The following FAM117B variants were observed in gnomAD, a reference collection of about 807,000 sequenced individuals.
FAM117B encodes protein FAM117B.
Under a neutral mutation model 52.8 loss-of-function variants are expected in FAM117B, and 22 were observed. The ratio of observed to expected loss-of-function variants is 0.42; its 90% confidence interval spans 0.30 to 0.59. The LOEUF is 0.59. Ranked by LOEUF, FAM117B falls within the 20% of genes least tolerant of loss-of-function variation. FAM117B has a pLI of 0.22. For synonymous variants in FAM117B, 309 were observed against 324.1 expected, an observed-to-expected ratio of 0.95 and a Z score of 0.50; for missense variants, 678 against 802.6, an observed-to-expected ratio of 0.84 and a Z score of 1.88.
At chr2:202,660,248 C>G (rs1457254230) in intron 1 of FAM117B, among the ~76,000 whole-genome samples, 1 of 151,864 alleles carries the variant, frequency 6.6e-6, no homozygotes, top group Non-Finnish European at 1.5e-5. Context: ...CTTGTTTGTA[C>G]ATTTTGAATA....
At chr2:202,759,601 A>C (rs1217102244) in intron 7 of FAM117B, among the ~76,000 whole-genome samples, 2 of 147,804 alleles carry the variant, frequency 1.4e-5, no homozygotes, top group Non-Finnish European at 3.0e-5. Flanking sequence ...TCTGACACCC[A>C]GGCTGGAGTG....
chr2:202,656,258 T>C (rs1241590967), intron 1 of FAM117B, among the ~76,000 whole-genome samples: 1 of 152,180 alleles, frequency 6.6e-6, no homozygotes, highest in African/African-American at 2.4e-5. Context: ...CCTACTTGCT[T>C]TTGGTTTAGT....
chr2:202,660,015 T>C (rs1049637189), intron 1 of FAM117B, among the ~76,000 whole-genome samples: 1 of 152,128 alleles, frequency 6.6e-6, no homozygotes, highest in African/African-American at 2.4e-5. Flanking sequence ...TTCTTTCTTC[T>C]GTCACATTCT....
intron 2 of FAM117B, among the ~76,000 whole-genome samples, chr2:202,724,455 G>A (rs1018037957): frequency 1.3e-5 from 2 of 152,246 alleles, no homozygotes; most frequent in Admixed American, 6.5e-5. Context: ...TGGCTTTGCC[G>A]CTTGTAACAC....
intron 1 of FAM117B, among the ~76,000 whole-genome samples, chr2:202,636,944 G>A (rs994139590): frequency 9.2e-5 from 14 of 152,228 alleles, no homozygotes; most frequent in African/African-American, 3.1e-4. Context: ...CTGTTGCCCA[G>A]GCTGGAGTGC....
chr2:202,635,164 C>G lies in FAM117B; in HGVS notation c.-24C>G, dbSNP rs1689655361. The G allele has an allele frequency of 3.2e-6, 4 of 1,263,564 alleles. No individual in the cohort carries two copies. Among genetic ancestry groups the G allele is most frequent in the South Asian group, 2.8e-5 (1 of 35,954 alleles). 78.3% of individuals were successfully genotyped at this position (1,263,564 alleles called of 1,614,324 possible). Reference sequence around the variant, plus strand: ...CAACAACAAAACCCCCCGTCTCGCCCAGTCACCGGGGAGGGGGGGGACCAT... The same window carrying G: ...CAACAACAAAACCCCCCGTCTCGCCGAGTCACCGGGGAGGGGGGGGACCAT... On this transcript the variant is annotated 5_prime_UTR_variant, in exon 1 of 8. Coordinates refer to ENST00000392238, the MANE Select transcript of FAM117B (RefSeq NM_173511.4).
chr2:202,717,608 C>T (rs569379530), intron 2 of FAM117B, among the ~76,000 whole-genome samples: 1 of 152,290 alleles, frequency 6.6e-6, no homozygotes, highest in South Asian at 2.1e-4. Context: ...GAAGAATTAT[C>T]TGGATTACAA....
chr2:202,667,971 C>T (rs1351673322), intron 1 of FAM117B, among the ~76,000 whole-genome samples: 1 of 151,294 alleles, frequency 6.6e-6, no homozygotes, highest in Non-Finnish European at 1.5e-5. Flanking sequence ...GCCTGTAATT[C>T]TAGCACTTTG....
chr2:202,667,724 A>G (rs1288346428), intron 1 of FAM117B, among the ~76,000 whole-genome samples: 3 of 151,960 alleles, frequency 2.0e-5, no homozygotes, highest in Non-Finnish European at 4.4e-5. Context: ...TAAATTACCT[A>G]TTTCTACTCA....
chr2:202,718,069 C>T (rs575692666), intron 2 of FAM117B, among the ~76,000 whole-genome samples: 25 of 152,232 alleles, frequency 1.6e-4, no homozygotes, highest in Non-Finnish European at 2.9e-4. Context: ...ACCACTACCA[C>T]AGACCCACAG....
rs1186911164 is a variant in FAM117B at position 202,635,598 on chromosome 2, C to T, written c.411C>T (p.Pro137=). 6 of 1,280,406 alleles carry T rather than the reference C, an allele frequency of 4.7e-6. No individual in the cohort carries two copies. The highest frequency in any genetic ancestry group is 5.9e-6 in the Non-Finnish European group (6 of 1,019,248). 79.3% of individuals were successfully genotyped at this position (1,280,406 alleles called of 1,614,324 possible). A position where few individuals can be genotyped will look rare whatever the true frequency, so the allele number is the denominator to read the frequency against. ...RSAAPGARGS[P]PRPPPPPPLL... ...CCGCGCCTGGAGCTCGCGGGAGCCCCCCACGGCCGCCGCCGCCGCCGCCGC... is the reference window on the plus strand; with the variant it reads ...CCGCGCCTGGAGCTCGCGGGAGCCCTCCACGGCCGCCGCCGCCGCCGCCGC... The change falls in exon 1 of 8, where the codon CCC becomes CCT. Residue 137 remains proline (P), a synonymous_variant. Transcript: ENST00000392238.
At chr2:202,642,416 C>A (rs1231635234) in intron 1 of FAM117B, among the ~76,000 whole-genome samples, 1 of 150,092 alleles carries the variant, frequency 6.7e-6, no homozygotes, top group Non-Finnish European at 1.5e-5. Context: ...AGGCATTGAT[C>A]ACCTGAATTT....
At chr2:202,659,695 A>ACCT (rs1010221875) in intron 1 of FAM117B, among the ~76,000 whole-genome samples, 2 of 136,814 alleles carry the variant, frequency 1.5e-5, no homozygotes, top group Non-Finnish European at 1.5e-5. Flanking sequence ...GCTCACTGCA[A>ACCT]CCTCCGCCTC....
At chr2:202,724,116 G>A (rs763857638) in intron 2 of FAM117B, among the ~76,000 whole-genome samples, 3 of 136,436 alleles carry the variant, frequency 2.2e-5, no homozygotes, top group Admixed American at 8.1e-5. Context: ...GGAGTACGGT[G>A]GCACGATCTC....
intron 2 of FAM117B, among the ~76,000 whole-genome samples, chr2:202,697,549 CTT>C (rs555378964): frequency 2.9e-5 from 4 of 137,490 alleles, no homozygotes; most frequent in African/African-American, 5.3e-5. Context: ...TTTTTTCTTT[CTT>C]TTTTTTTTTT....
chr2:202,652,995 T>C (rs1453049998), intron 1 of FAM117B, among the ~76,000 whole-genome samples: 1 of 152,188 alleles, frequency 6.6e-6, no homozygotes, highest in Non-Finnish European at 1.5e-5. Flanking sequence ...CTGGGCATGG[T>C]GGCTCATGCC....
intron 1 of FAM117B, among the ~76,000 whole-genome samples, chr2:202,637,630 CTG>C (rs1266814339): frequency 6.6e-6 from 1 of 152,204 alleles, no homozygotes; most frequent in Non-Finnish European, 1.5e-5. Flanking sequence ...TTCATAACCT[CTG>C]TCACCTACTG....
At chr2:202,690,159 T>C (rs1480750466) in intron 1 of FAM117B, among the ~76,000 whole-genome samples, 1 of 152,174 alleles carries the variant, frequency 6.6e-6, no homozygotes, top group Non-Finnish European at 1.5e-5. Flanking sequence ...TTTTCAATGC[T>C]ACACCCTGCT....
chr2:202,726,483 T>A, intron 4 of FAM117B, 120 bp downstream of exon 4: 2 of 672,474 alleles, frequency 3.0e-6, no homozygotes, highest in Non-Finnish European at 5.1e-6. Context: ...AACAGTGATT[T>A]AAATACTGAA....
Sources: allele counts gnomAD v4.1 joint callset (sites outside exome capture counted in the v4.1 genomes callset), GRCh38; gene constraint gnomAD v4.1.1; transcripts MANE v1.5; gene names NCBI Gene and HGNC (gene_info 2026-07-23, HGNC 2026-07-21).